Variants in DIAPH3 observed in about 807,000 individuals in gnomAD.
DIAPH3 encodes the protein diaphanous related formin 3.
In DIAPH3, 117 loss-of-function variants were observed where a neutral mutation model predicts 144.3. The ratio of observed to expected loss-of-function variants is 0.81; its 90% CI spans 0.70 to 0.95. The LOEUF is 0.95. DIAPH3 is among the 40% of genes least tolerant of loss of function. The probability of loss-of-function intolerance (pLI) is 0.00; values close to 1 mark genes in which losing one functional copy is unlikely to be tolerated. For synonymous variants in DIAPH3, 519 were observed against 488.9 expected (o/e 1.06, Z -0.81); for missense variants, 1,421 against 1,412.7 (o/e 1.01, Z -0.09).
chr13:59,938,693 C>T (rs368914885), intron 17 of DIAPH3, among the ~76,000 whole-genome samples: 5 of 152,092 alleles, frequency 3.3e-5, no homozygotes, highest in African/African-American at 1.2e-4. Flanking sequence ...CCAAATGTTC[C>T]ATATACACTT....
At chr13:59,835,316 A>T (rs547254555) in intron 23 of DIAPH3, among the ~76,000 whole-genome samples, 1 of 151,886 alleles carries the variant, frequency 6.6e-6, no homozygotes, top group South Asian at 2.1e-4. Context: ...ATGGAGACAG[A>T]TAATAAACAA....
intron 22 of DIAPH3, among the ~76,000 whole-genome samples, chr13:59,841,091 T>C (rs1189789422): frequency 1.3e-5 from 2 of 152,186 alleles, no homozygotes; most frequent in African/African-American, 4.8e-5. Flanking sequence ...GTGTTTCATT[T>C]ACTCTTCCCG....
chr13:59,831,630 C>A (rs1309772019), intron 24 of DIAPH3, among the ~76,000 whole-genome samples: 2 of 151,736 alleles, frequency 1.3e-5, no homozygotes, highest in Non-Finnish European at 2.9e-5. Context: ...TGGCCCAGGG[C>A]CCCAGGTAGA....
At chr13:60,081,824 G>A (rs2057568848) in intron 4 of DIAPH3, among the ~76,000 whole-genome samples, 1 of 152,022 alleles carries the variant, frequency 6.6e-6, no homozygotes, top group Non-Finnish European at 1.5e-5. Context: ...TTTGAAAGCA[G>A]CAGTTGGAAC....
intron 27 of DIAPH3, among the ~76,000 whole-genome samples, chr13:59,756,551 A>AG: frequency 6.7e-6 from 1 of 148,924 alleles, no homozygotes. Context: ...GGAGGGAGGG[A>AG]GGAAGGGAGA....
At chr13:59,866,349 A>G (rs2139968935) in intron 21 of DIAPH3, among the ~76,000 whole-genome samples, 1 of 152,196 alleles carries the variant, frequency 6.6e-6, no homozygotes, top group Non-Finnish European at 1.5e-5. Flanking sequence ...TGTCTGTGTG[A>G]ATACAAAGCT....
At chr13:59,740,785 T>TC (rs987483857) in intron 27 of DIAPH3, among the ~76,000 whole-genome samples, 20 of 152,084 alleles carry the variant, frequency 1.3e-4, no homozygotes, top group Admixed American at 3.3e-4. Context: ...TATATTTACT[T>TC]CCCCCTTCAT....
intron 27 of DIAPH3, among the ~76,000 whole-genome samples, chr13:59,764,042 T>TTC (rs1224982726): frequency 6.6e-6 from 1 of 151,846 alleles, no homozygotes; most frequent in East Asian, 2.0e-4. Context: ...TAAACTTTGC[T>TTC]TCTGTATGCT....
At chr13:60,028,019 T>G (rs941887675) in intron 5 of DIAPH3, among the ~76,000 whole-genome samples, 39 of 152,294 alleles carry the variant, frequency 2.6e-4, no homozygotes, top group African/African-American at 8.9e-4. Flanking sequence ...GCTACTTTTG[T>G]GTGGCAATGC....
intron 22 of DIAPH3, among the ~76,000 whole-genome samples, chr13:59,846,883 C>A (rs73196138): frequency 0.065 from 9,822 of 152,166 alleles, 390 homozygotes; most frequent in Admixed American, 0.12. Flanking sequence ...TGAGACCAGA[C>A]TGGGCAACAC....
intron 25 of DIAPH3, among the ~76,000 whole-genome samples, chr13:59,795,547 G>A (rs560423153): frequency 4.6e-5 from 7 of 150,692 alleles, no homozygotes; most frequent in South Asian, 2.1e-4. Context: ...CTCCGCCTCC[G>A]GGTTCACACC....
intron 14 of DIAPH3, among the ~76,000 whole-genome samples, chr13:59,975,502 T>C (rs2050627099): frequency 6.6e-6 from 1 of 151,988 alleles, no homozygotes; most frequent in South Asian, 2.1e-4. Context: ...AACGTTTAGA[T>C]AATGCTTTAC....
In DIAPH3 at chr13:60,042,832, G is replaced by A. The variant is rs756641355; in HGVS notation, c.496-12C>T. ...CTCTTAAGACTTCCCTATAAAATAA[G>A]TCAAAAAATGTTTTGATTAATACTG... is the stretch of plus-strand genomic sequence containing the variant. On this transcript the variant is annotated splice_polypyrimidine_tract_variant and intron_variant, in intron 4 of 27. Coordinates refer to ENST00000400324, the MANE Select transcript of DIAPH3 (RefSeq NM_001042517.2). 6.2e-7 allele frequency: 1 copy of A among 1,612,084 alleles called. No homozygotes were observed. The highest frequency in any genetic ancestry group is 8.5e-7 in the Non-Finnish European group (1 of 1,178,714).
chr13:60,058,846 T>C (rs1386514047), intron 4 of DIAPH3, among the ~76,000 whole-genome samples: 2 of 151,886 alleles, frequency 1.3e-5, no homozygotes, highest in Admixed American at 6.6e-5. Flanking sequence ...GTTGGAGCTA[T>C]GCTATGTGTA....
chr13:60,056,487 T>G (rs186162622), intron 4 of DIAPH3, among the ~76,000 whole-genome samples: 8 of 151,954 alleles, frequency 5.3e-5, no homozygotes, highest in Admixed American at 3.3e-4. Flanking sequence ...CCATATGTAC[T>G]TGTGTATTTT....
At chr13:59,901,907 G>A (rs1431806355) in intron 20 of DIAPH3, among the ~76,000 whole-genome samples, 1 of 152,162 alleles carries the variant, frequency 6.6e-6, no homozygotes, top group Non-Finnish European at 1.5e-5. Context: ...TTGGCTCACT[G>A]CACCCTCTGC....
At chr13:60,053,085 T>C (rs2056420353) in intron 4 of DIAPH3, among the ~76,000 whole-genome samples, 1 of 151,636 alleles carries the variant, frequency 6.6e-6, no homozygotes, top group African/African-American at 2.4e-5. Context: ...TACCTTTTAT[T>C]ATATTACTAT....
At chr13:60,153,824 T>C (rs1387031716) in intron 1 of DIAPH3, among the ~76,000 whole-genome samples, 2 of 152,272 alleles carry the variant, frequency 1.3e-5, no homozygotes, top group East Asian at 3.9e-4. Context: ...TTTATTATCA[T>C]TCAAGTCCAT....
At chr13:59,781,567 T>C (rs916467898) in intron 25 of DIAPH3, among the ~76,000 whole-genome samples, 5 of 152,300 alleles carry the variant, frequency 3.3e-5, no homozygotes, top group Admixed American at 2.6e-4. Context: ...GGGAGGAAAC[T>C]GGGCAGTGGG....
Sources: allele counts gnomAD v4.1 joint callset (sites outside exome capture counted in the v4.1 genomes callset), GRCh38; gene constraint gnomAD v4.1.1; transcripts MANE v1.5; gene names NCBI Gene and HGNC (gene_info 2026-07-23, HGNC 2026-07-21).